Variants in CYB5A observed in about 807,000 individuals in gnomAD.
CYB5A encodes the protein cytochrome b5.
Under a neutral mutation model 16.2 loss-of-function variants are expected in CYB5A, and 10 were observed. The observed-to-expected ratio is 0.62, with a 90% CI of 0.38 to 1.04. The LOEUF (loss-of-function observed/expected upper bound fraction) is 1.04, where lower values mean the gene tolerates loss of function less well. Ranked by LOEUF, CYB5A falls within the 50% of genes least tolerant of loss-of-function variation. CYB5A has a pLI of 0.01. For missense variants in CYB5A, 161 were observed against 165.9 expected (o/e 0.97, Z 0.16); for synonymous variants, 62 against 57.0 (o/e 1.09, Z -0.40).
rs186464770 is a variant in CYB5A at position 74,253,539 on chromosome 18, C to T, written c.*45G>A. The stretch of plus-strand genomic sequence containing the variant: ...TAGTTAGCAATGGCTTCTTTTCTCC[C>T]GTGTCCAAAGCAGGCTCTTCCTGCG... On this transcript the variant is annotated 3_prime_UTR_variant, in exon 5 of 5. Transcript: ENST00000340533. 41 of 1,290,728 alleles carry T rather than the reference C, an allele frequency of 3.2e-5. No homozygotes were observed. The African/African-American group carries it at 4.1e-4, about 13-fold the overall frequency. 80.0% of individuals were successfully genotyped at this position (1,290,728 alleles called of 1,614,324 possible).
At chr18:74,269,961 G>C (rs1255984971) in intron 1 of CYB5A, among the ~76,000 whole-genome samples, 1 of 152,198 alleles carries the variant, frequency 6.6e-6, no homozygotes, top group African/African-American at 2.4e-5. Flanking sequence ...AGAAGATAAA[G>C]TAGGGGAGTT....
chr18:74,262,251 C>G (rs907638194), intron 2 of CYB5A, among the ~76,000 whole-genome samples: 1 of 152,222 alleles, frequency 6.6e-6, no homozygotes, highest in South Asian at 2.1e-4. Flanking sequence ...GTCAGGAGTA[C>G]AAGGCCAACC....
intron 1 of CYB5A, among the ~76,000 whole-genome samples, chr18:74,282,296 T>A (rs188805229): frequency 6.6e-6 from 1 of 152,328 alleles, no homozygotes; most frequent in Admixed American, 6.5e-5. Flanking sequence ...CAGGGACTTG[T>A]GTCTGTTTCT....
chr18:74,260,624 A>C, intron 3 of CYB5A: 1 of 452,122 alleles, frequency 2.2e-6, no homozygotes, highest in Non-Finnish European at 4.2e-6. Flanking sequence ...TTAGATCAGA[A>C]GCACGTGCTA....
intron 1 of CYB5A, among the ~76,000 whole-genome samples, chr18:74,275,928 G>A (rs139835700): frequency 1.4e-3 from 209 of 152,260 alleles, no homozygotes; most frequent in African/African-American, 4.6e-3. Context: ...CCGGCGGTGC[G>A]CAGACCAGAT....
At chr18:74,264,851 G>A (rs1370625365) in intron 1 of CYB5A, among the ~76,000 whole-genome samples, 2 of 152,184 alleles carry the variant, frequency 1.3e-5, no homozygotes, top group African/African-American at 4.8e-5. Flanking sequence ...CAGGACAGAG[G>A]TAAGGAGGTC....
At chr18:74,276,231 A>T (rs955553826) in intron 1 of CYB5A, among the ~76,000 whole-genome samples, 5 of 152,166 alleles carry the variant, frequency 3.3e-5, no homozygotes, top group Non-Finnish European at 5.9e-5. Flanking sequence ...AATGGGACGC[A>T]GAGGAATGAA....
chr18:74,266,223 G>C (rs1982429086), intron 1 of CYB5A, among the ~76,000 whole-genome samples: 1 of 152,214 alleles, frequency 6.6e-6, no homozygotes, highest in South Asian at 2.1e-4. Flanking sequence ...TTCCAGAAAA[G>C]TCTGCTTAAG....
intron 1 of CYB5A, among the ~76,000 whole-genome samples, chr18:74,267,927 C>T (rs150609921): frequency 3.6e-4 from 55 of 152,274 alleles, no homozygotes; most frequent in African/African-American, 4.6e-4. Flanking sequence ...GAGGATGTCG[C>T]GGGTCAGTAA....
chr18:74,285,213 G>C (rs1482857264), intron 1 of CYB5A, among the ~76,000 whole-genome samples: 1 of 152,164 alleles, frequency 6.6e-6, no homozygotes, highest in Non-Finnish European at 1.5e-5. Context: ...AAATAACAAA[G>C]AGCAAGTCCC....
chr18:74,255,897 C>A, intron 3 of CYB5A, 122 bp from the exon 4 acceptor site: 1 of 758,622 alleles, frequency 1.3e-6, no homozygotes. Context: ...CAGAAGATGT[C>A]GAAAGGGAAA....
At chr18:74,257,091 C>T in intron 3 of CYB5A, 1 of 493,364 alleles carries the variant, frequency 2.0e-6, no homozygotes, top group Non-Finnish European at 3.6e-6. Context: ...AAAAGAATCA[C>T]TGAAGGTAAA....
chr18:74,264,440 T>C (rs979304475), intron 1 of CYB5A, among the ~76,000 whole-genome samples: 2 of 151,962 alleles, frequency 1.3e-5, no homozygotes, highest in African/African-American at 4.8e-5. Context: ...CATCTTAGTC[T>C]AAGTGTGGCC....
chr18:74,263,315 T>C (rs747920383), intron 2 of CYB5A, 34 bp downstream of exon 2: 4 of 1,613,718 alleles, frequency 2.5e-6, no homozygotes, highest in Admixed American at 3.3e-5. Context: ...TAGCCTTAAA[T>C]ACAAATAAGA....
At chr18:74,289,142 G>C (rs1020516711) in intron 1 of CYB5A, among the ~76,000 whole-genome samples, 3 of 152,056 alleles carry the variant, frequency 2.0e-5, no homozygotes, top group Non-Finnish European at 2.9e-5. Flanking sequence ...CCACCCTCTT[G>C]TTCATTTTAT....
chr18:74,271,936 C>T (rs1982685504), intron 1 of CYB5A, among the ~76,000 whole-genome samples: 1 of 152,164 alleles, frequency 6.6e-6, no homozygotes, highest in Non-Finnish European at 1.5e-5. Context: ...CCTGTTTCAC[C>T]ATCTTGCCAA....
rs1204833572 is a variant in CYB5A at position 74,251,792 on chromosome 18, T to C, written c.*1792A>G. The C allele has an allele frequency of 6.6e-6, 1 of 152,314 alleles. No homozygotes were observed. Among genetic ancestry groups the C allele is most frequent in the Admixed American group, 6.5e-5 (1 of 15,298 alleles). 9.4% of individuals were successfully genotyped at this position (152,314 alleles called of 1,614,324 possible). A position where few individuals can be genotyped will look rare whatever the true frequency, so the allele number is the denominator to read the frequency against. On this transcript the variant is annotated 3_prime_UTR_variant, in exon 5 of 5. Coordinates refer to ENST00000340533, the MANE Select transcript of CYB5A (RefSeq NM_148923.4). Reference sequence around the variant, plus strand: ...TGTTCCCAAAACACATGAAGAAACATTGCCAGCCACAGCAGCAAATTGCTG... The same window carrying C: ...TGTTCCCAAAACACATGAAGAAACACTGCCAGCCACAGCAGCAAATTGCTG...
At chr18:74,261,559 G>C (rs1982201151) in intron 2 of CYB5A, 1 of 153,722 alleles carries the variant, frequency 6.5e-6, no homozygotes, top group Non-Finnish European at 1.4e-5. Context: ...AAGACACTTT[G>C]CCTTTGTGAA....
chr18:74,255,300 A>G (rs975019909), intron 4 of CYB5A, among the ~76,000 whole-genome samples: 1 of 152,262 alleles, frequency 6.6e-6, no homozygotes, highest in Non-Finnish European at 1.5e-5. Context: ...CGTGCTACAC[A>G]TAGATTACCA....
Sources: gnomAD v4.1 joint callset for allele counts (sites outside exome capture counted in the v4.1 genomes callset) on GRCh38, gnomAD v4.1.1 for gene constraint, MANE v1.5 for transcripts, NCBI Gene and HGNC (gene_info 2026-07-23, HGNC 2026-07-21) for gene names.